Variants in LHFPL2 observed in about 807,000 individuals in gnomAD.
LHFPL2 encodes LHFPL tetraspan subfamily member 2, also known as LHFPL tetraspan subfamily member 2 protein.
A neutral mutation model predicts 17.5 loss-of-function variants in LHFPL2; 7 were observed. That is an observed-to-expected ratio of 0.40 (90% CI 0.23 to 0.75). The LOEUF (loss-of-function observed/expected upper bound fraction) is 0.75. Among genes scored for constraint, LHFPL2 ranks in the 30% least tolerant of loss-of-function variants. The pLI, the probability that LHFPL2 is intolerant of heterozygous loss-of-function variation, is 0.37. For missense variants in LHFPL2, 241 were observed against 294.8 expected, an observed-to-expected ratio of 0.82 and a Z score of 1.34; for synonymous variants, 134 against 116.2, an observed-to-expected ratio of 1.15 and a Z score of -0.99.
intron 1 of LHFPL2, among the ~76,000 whole-genome samples, chr5:78,638,569 C>G (rs541169012): frequency 1.3e-5 from 2 of 152,070 alleles, no homozygotes; most frequent in Admixed American, 1.3e-4. Flanking sequence ...TTAATGAGGT[C>G]GAGGTCACGG....
chr5:78,577,300 C>T (rs948620262), intron 2 of LHFPL2, among the ~76,000 whole-genome samples: 1 of 152,118 alleles, frequency 6.6e-6, no homozygotes, highest in African/African-American at 2.4e-5. Flanking sequence ...TGCAAAAGGC[C>T]ATCTTGGTCA....
At chr5:78,596,966 A>T (rs1743847714) in intron 2 of LHFPL2, among the ~76,000 whole-genome samples, 1 of 152,238 alleles carries the variant, frequency 6.6e-6, no homozygotes, top group Non-Finnish European at 1.5e-5. Context: ...CATAAAAAGA[A>T]ATTCAATTAC....
chr5:78,602,527 C>T (rs1156448367), intron 2 of LHFPL2, among the ~76,000 whole-genome samples: 1 of 152,208 alleles, frequency 6.6e-6, no homozygotes, highest in Non-Finnish European at 1.5e-5. Flanking sequence ...ATTTAGTCTT[C>T]ATTTGTTTGT....
intron 3 of LHFPL2, among the ~76,000 whole-genome samples, chr5:78,551,799 A>C (rs749656602): frequency 2.0e-5 from 3 of 152,214 alleles, no homozygotes; most frequent in Non-Finnish European, 1.5e-5. Context: ...ACTGGCCTTA[A>C]AGAAATTTTC....
chr5:78,602,789 T>C (rs1171538747), intron 2 of LHFPL2, among the ~76,000 whole-genome samples: 1 of 152,230 alleles, frequency 6.6e-6, no homozygotes, highest in Non-Finnish European at 1.5e-5. Context: ...CTCTCATTTA[T>C]TGAGCCTTAT....
At chr5:78,520,324 C>T (rs1050524700) in intron 3 of LHFPL2, among the ~76,000 whole-genome samples, 5 of 152,198 alleles carry the variant, frequency 3.3e-5, no homozygotes, top group African/African-American at 1.2e-4. Context: ...GGTCCCGACC[C>T]AGGCTCTCGG....
chr5:78,611,702 T>G (rs1744429455), intron 2 of LHFPL2, among the ~76,000 whole-genome samples: 1 of 152,204 alleles, frequency 6.6e-6, no homozygotes, highest in Non-Finnish European at 1.5e-5. Context: ...AGGAGAAGAC[T>G]GAAGATTTTA....
chr5:78,534,698 C>T (rs1393836959), intron 3 of LHFPL2, among the ~76,000 whole-genome samples: 2 of 152,210 alleles, frequency 1.3e-5, no homozygotes, highest in African/African-American at 2.4e-5. Flanking sequence ...AGTCCGTCAC[C>T]GAAGGCCCAG....
chr5:78,619,840 AT>A (rs71001115), intron 2 of LHFPL2, among the ~76,000 whole-genome samples: 13 of 58,426 alleles, frequency 2.2e-4, no homozygotes, highest in Admixed American at 7.0e-4. Flanking sequence ...TGAACTCATC[AT>A]TTTTTATGGC....
At chr5:78,573,146 T>G (rs1345192807) in intron 2 of LHFPL2, among the ~76,000 whole-genome samples, 2 of 152,030 alleles carry the variant, frequency 1.3e-5, no homozygotes, top group Non-Finnish European at 2.9e-5. Flanking sequence ...GAACTCAATT[T>G]CCTGGAACGG....
intron 1 of LHFPL2, among the ~76,000 whole-genome samples, chr5:78,645,249 G>T (rs1252211937): frequency 2.7e-5 from 4 of 145,782 alleles, no homozygotes; most frequent in South Asian, 2.2e-4. Flanking sequence ...AGGTGTATGG[G>T]TTTTTTTTTT....
At chr5:78,536,078 C>T (rs1755943344) in intron 3 of LHFPL2, among the ~76,000 whole-genome samples, 1 of 152,214 alleles carries the variant, frequency 6.6e-6, no homozygotes, top group Non-Finnish European at 1.5e-5. Context: ...TAACGCTTAT[C>T]AGGAGCCCAT....
chr5:78,524,477 C>T (rs1580774046), intron 3 of LHFPL2, among the ~76,000 whole-genome samples: 1 of 152,200 alleles, frequency 6.6e-6, no homozygotes, highest in East Asian at 1.9e-4. Context: ...CGCAGTGGCT[C>T]ATGCCTGTAA....
chr5:78,602,856 A>G (rs1331244696), intron 2 of LHFPL2, among the ~76,000 whole-genome samples: 1 of 150,382 alleles, frequency 6.6e-6, no homozygotes, highest in Admixed American at 6.6e-5. Context: ...AAACCTTACT[A>G]CCACCCACAA....
chr5:78,579,857 C>A (rs897638833), intron 2 of LHFPL2, among the ~76,000 whole-genome samples: 11 of 152,068 alleles, frequency 7.2e-5, no homozygotes, highest in African/African-American at 2.2e-4. Context: ...GGGTATATAC[C>A]CAGTAATGGG....
chr5:78,621,036 C>T (rs987523510), intron 2 of LHFPL2, among the ~76,000 whole-genome samples: 24 of 150,248 alleles, frequency 1.6e-4, no homozygotes, highest in African/African-American at 3.7e-4. Flanking sequence ...GGCTCGATCT[C>T]GGCTCACTGC....
At chr5:78,605,094 A>C (rs189969060) in intron 2 of LHFPL2, among the ~76,000 whole-genome samples, 90 of 152,352 alleles carry the variant, frequency 5.9e-4, no homozygotes, top group Admixed American at 3.3e-3. Context: ...ACTTCCCATA[A>C]GAAAAGGCTG....
chr5:78,647,413 T>C (rs1253733012), intron 1 of LHFPL2, among the ~76,000 whole-genome samples: 1 of 152,176 alleles, frequency 6.6e-6, no homozygotes, highest in African/African-American at 2.4e-5. Flanking sequence ...TAAATGTCCC[T>C]TCAAGCTCAG....
At position 78,604,640 on chromosome 5, in the gene LHFPL2, C is replaced by T. The variant is rs182103558; in HGVS notation, c.-245+27624G>A. 2.6e-5 allele frequency among the ~76,000 whole-genome samples: 4 copies of T among 152,308 alleles called. No homozygotes were observed. The East Asian group carries it at 7.7e-4, about 29-fold the overall frequency. On this transcript the variant is annotated intron_variant, in intron 2 of 4. Coordinates refer to ENST00000380345, the MANE Select transcript of LHFPL2 (RefSeq NM_005779.3). ...ATAGATTGCTATGTGATCCAAGAAA[C>T]TTGTATTCATGACAACACTACATGC...
Sources: gnomAD v4.1 joint callset for allele counts (sites outside exome capture counted in the v4.1 genomes callset) on GRCh38, gnomAD v4.1.1 for gene constraint, MANE v1.5 for transcripts, NCBI Gene and HGNC (gene_info 2026-07-23, HGNC 2026-07-21) for gene names.